The following RNLS variants were observed in gnomAD, a reference collection of about 807,000 sequenced individuals.
RNLS encodes renalase.
In RNLS, 39 loss-of-function variants were observed where a neutral mutation model predicts 39.8. That is an observed-to-expected ratio of 0.98 (90% CI 0.76 to 1.28). The LOEUF (loss-of-function observed/expected upper bound fraction) is 1.28. Ranked by LOEUF, RNLS falls within the 50% of genes most tolerant of loss-of-function variation. RNLS has a pLI of 0.00. For synonymous variants in RNLS, 147 were observed against 150.7 expected (o/e 0.98, Z 0.18); for missense variants, 410 against 413.3 (o/e 0.99, Z 0.07).
the RNLS span, among the ~76,000 whole-genome samples, chr10:88,251,865 G>C: frequency 6.6e-6 from 1 of 152,184 alleles, no homozygotes; most frequent in African/African-American, 2.4e-5. Flanking sequence ...CCAGGTCCAG[G>C]AGACATCTAA....
chr10:88,337,973 T>G (rs1458401039), intron 5 of RNLS, among the ~76,000 whole-genome samples: 1 of 152,232 alleles, frequency 6.6e-6, no homozygotes, highest in Non-Finnish European at 1.5e-5. Context: ...AAGATTAGAT[T>G]TGACTATTTC....
intron 4 of RNLS, among the ~76,000 whole-genome samples, chr10:88,558,853 G>A (rs1564899025): frequency 1.3e-5 from 2 of 152,122 alleles, no homozygotes; most frequent in African/African-American, 2.4e-5. Context: ...GCTAATAACT[G>A]TTTTTTCTAA....
chr10:88,284,003 C>T (rs1034438468), downstream of RNLS: 14 of 418,872 alleles, frequency 3.3e-5, no homozygotes, highest in South Asian at 4.0e-4. Context: ...CAAATATGGG[C>T]GAAAATAACA....
chr10:88,580,162 A>C (rs1038708449), intron 3 of RNLS, among the ~76,000 whole-genome samples: 1 of 152,152 alleles, frequency 6.6e-6, no homozygotes, highest in African/African-American at 2.4e-5. Context: ...CAACCAACAT[A>C]ATCATGTGAG....
rs144968508 is a variant in RNLS, at chr10:88,369,302, T to C, written c.527-6577A>G. 1.7e-4 allele frequency among the ~76,000 whole-genome samples: 26 copies of C among 152,344 alleles called. No homozygotes were observed. In the East Asian group the frequency reaches 5.0e-3, roughly 29 times the overall value. On this transcript the variant is annotated intron_variant, in intron 4 of 6. Transcript: ENST00000331772. ...ATGTCCATTCCTTGCCCTTCTCTGC[T>C]TTGATCTGTGCCCAGGGAGACTGGC...
intron 5 of RNLS, among the ~76,000 whole-genome samples, chr10:88,354,600 G>A (rs989943264): frequency 1.3e-5 from 2 of 152,154 alleles, no homozygotes; most frequent in Non-Finnish European, 2.9e-5. Context: ...AGTCTGATGG[G>A]CTTCCCCTTG....
At chr10:88,477,789 G>GT (rs1843903766) in intron 4 of RNLS, among the ~76,000 whole-genome samples, 1 of 152,128 alleles carries the variant, frequency 6.6e-6, no homozygotes, top group Non-Finnish European at 1.5e-5. Context: ...ATGATAGAGG[G>GT]TAAGTATTTT....
intron 5 of RNLS, among the ~76,000 whole-genome samples, chr10:88,327,596 T>G (rs904682078): frequency 1.3e-5 from 2 of 152,170 alleles, no homozygotes; most frequent in African/African-American, 4.8e-5. Flanking sequence ...TTATCTAGTC[T>G]CAGGGAAGTT....
chr10:88,411,955 G>C (rs1853684514), intron 4 of RNLS, among the ~76,000 whole-genome samples: 1 of 152,072 alleles, frequency 6.6e-6, no homozygotes, highest in Admixed American at 6.6e-5. Flanking sequence ...CATAGTAAAG[G>C]GCGAAGGAAG....
At chr10:88,210,871 T>G in the RNLS span, among the ~76,000 whole-genome samples, 1 of 152,156 alleles carries the variant, frequency 6.6e-6, no homozygotes, top group African/African-American at 2.4e-5. Context: ...AGTGTGAGTG[T>G]GTCTGGGTGA....
chr10:88,173,948 C>T, the RNLS span, among the ~76,000 whole-genome samples: 1 of 151,504 alleles, frequency 6.6e-6, no homozygotes, highest in African/African-American at 2.4e-5. Context: ...ATGTAGTTTT[C>T]ATTGTAGAGA....
intron 4 of RNLS, among the ~76,000 whole-genome samples, chr10:88,435,635 C>A (rs1855426095): frequency 6.6e-6 from 1 of 151,962 alleles, no homozygotes; most frequent in Admixed American, 6.6e-5. Context: ...CCAGACAACA[C>A]AAAAACTATC....
intron 4 of RNLS, among the ~76,000 whole-genome samples, chr10:88,403,098 T>C (rs1017094162): frequency 1.3e-5 from 2 of 151,940 alleles, no homozygotes; most frequent in Non-Finnish European, 2.9e-5. Context: ...TTCAGCCAAA[T>C]GCAGACCACA....
At chr10:88,477,887 A>G (rs1843909511) in intron 4 of RNLS, among the ~76,000 whole-genome samples, 1 of 152,196 alleles carries the variant, frequency 6.6e-6, no homozygotes. Context: ...TTACTAAGCT[A>G]TGACACCAAC....
chr10:88,428,938 A>G (rs1413717576), intron 4 of RNLS, among the ~76,000 whole-genome samples: 1 of 151,974 alleles, frequency 6.6e-6, no homozygotes, highest in East Asian at 1.9e-4. Context: ...TTTTCCTTTC[A>G]GCCACACTTG....
At chr10:88,309,279 T>TA (rs1453055793) in intron 6 of RNLS, 1 of 431,640 alleles carries the variant, frequency 2.3e-6, no homozygotes, top group Admixed American at 6.4e-5. Flanking sequence ...ACTTAAAAGT[T>TA]AAAAAATAAG....
At chr10:88,248,737 G>C in the RNLS span, among the ~76,000 whole-genome samples, 4 of 152,082 alleles carry the variant, frequency 2.6e-5, no homozygotes, top group African/African-American at 9.7e-5. Flanking sequence ...TACAGCAGAT[G>C]ATTTCCCCAA....
At chr10:88,189,461 G>C in the RNLS span, among the ~76,000 whole-genome samples, 4 of 151,960 alleles carry the variant, frequency 2.6e-5, no homozygotes, top group African/African-American at 9.7e-5. Context: ...GGTTTAACCA[G>C]AACCTATGAA....
intron 6 of RNLS, among the ~76,000 whole-genome samples, chr10:88,277,301 A>G (rs1247137283): frequency 6.7e-6 from 1 of 148,242 alleles, no homozygotes; most frequent in East Asian, 2.0e-4. Flanking sequence ...CAGGGCGGGG[A>G]GCATTGCAAA....
Sources: allele counts gnomAD v4.1 joint callset (sites outside exome capture counted in the v4.1 genomes callset), GRCh38; gene constraint gnomAD v4.1.1; transcripts MANE v1.5; gene names NCBI Gene and HGNC (gene_info 2026-07-23, HGNC 2026-07-21).